The following LONP1 variants were observed in gnomAD, a reference collection of about 807,000 sequenced individuals.
LONP1 encodes lon peptidase 1, mitochondrial.
Under a neutral mutation model 98.5 loss-of-function variants are expected in LONP1, and 31 were observed. The observed-to-expected ratio is 0.31, with a 90% confidence interval of 0.24 to 0.42. The LOEUF (loss-of-function observed/expected upper bound fraction) is 0.42. Among genes scored for constraint, LONP1 ranks in the 20% least tolerant of loss-of-function variants. The pLI is 1.00. For missense variants in LONP1, 1,336 were observed against 1,350.6 expected (o/e 0.99, Z 0.17); for synonymous variants, 781 against 594.7 (o/e 1.31, Z -4.56).
In LONP1 at chr19:5,693,330, G is replaced by A. The variant is rs1032448118; in HGVS notation, c.2671C>T (p.Pro891Ser). The A allele has an allele frequency of 1.9e-5, 30 of 1,613,098 alleles. No homozygotes were observed. The highest frequency in any genetic ancestry group is 2.5e-5 in the Non-Finnish European group (30 of 1,179,584). Reference sequence around the variant, plus strand: ...GTCTTCTCCTTGATGCCACCAACAGGCAGGATCTTGCCCGTGAGGGAGACT... The same window carrying A: ...GTCTTCTCCTTGATGCCACCAACAGACAGGATCTTGCCCGTGAGGGAGACT... ...GEVSLTGKIL[P>S]VGGIKEKTIA... The change falls in exon 17 of 18, where the codon CCT becomes TCT. Residue 891 changes from proline (P) to serine (S), a missense_variant. Physicochemically the swap from Pro to Ser is moderately conservative, Grantham distance 74. This residue lies in a region of LONP1 where 555 missense variants were observed against 542.6 expected (regional missense o/e 1.02). Coordinates refer to ENST00000360614, the MANE Select transcript of LONP1 (RefSeq NM_004793.4).
intron 9 of LONP1, among the ~76,000 whole-genome samples, chr19:5,700,258 C>T (rs1312397945): frequency 6.6e-6 from 1 of 152,178 alleles, no homozygotes; most frequent in African/African-American, 2.4e-5. Flanking sequence ...GGATTACAGG[C>T]ATGCGCCACC....
In LONP1 at chr19:5,696,351, G is replaced by T; in HGVS notation, c.1794C>A (p.Gly598=). 1.9e-6 allele frequency: 3 copies of T among 1,613,090 alleles called. No individual in the cohort carries two copies. Among genetic ancestry groups the T allele is most frequent in the Non-Finnish European group, 2.5e-6 (3 of 1,179,838 alleles). The change falls in exon 12 of 18, where the codon GGC becomes GGA. Residue 598 remains glycine (G), a synonymous_variant. Coordinates refer to ENST00000360614, the MANE Select transcript of LONP1 (RefSeq NM_004793.4). ...GTGCCGACGACGGGTCCCCCTGGTA[G>T]CCTCGGCCGATCTTGTCCACCTGGG... The part of the protein sequence containing the change: ...LIDEVDKIGR[G]YQGDPSSALL...
chr19:5,715,643 TAAAAAAAAAAAA>T (rs527565499), intron 1 of LONP1, among the ~76,000 whole-genome samples: 147 of 31,096 alleles, frequency 4.7e-3, no homozygotes, highest in African/African-American at 0.016. Context: ...CTCTGTCTCA[TAAAAAAAAAAAA>T]AAAAAAAAAA....
chr19:5,692,658 A>G (rs1233198667), intron 17 of LONP1, among the ~76,000 whole-genome samples: 1 of 152,142 alleles, frequency 6.6e-6, no homozygotes, highest in African/African-American at 2.4e-5. Context: ...GCCCCACCAC[A>G]GCCCCTTGAA....
At chr19:5,699,272 G>A (rs986029899) in intron 9 of LONP1, 67 bp from the exon 10 acceptor site, 28 of 1,298,698 alleles carry the variant, frequency 2.2e-5, no homozygotes, top group Admixed American at 2.6e-5. Flanking sequence ...CATGACTCTC[G>A]CCACCTGCAC....
intron 1 of LONP1, among the ~76,000 whole-genome samples, chr19:5,715,385 T>C (rs1410685862): frequency 1.3e-5 from 2 of 150,720 alleles, no homozygotes; most frequent in Non-Finnish European, 3.0e-5. Flanking sequence ...GGCTCACGCC[T>C]GTAATCCCAG....
At chr19:5,694,738 A>G (rs779961463) in intron 14 of LONP1, 23 bp downstream of exon 14, 1 of 1,580,356 alleles carries the variant, frequency 6.3e-7, no homozygotes, top group Non-Finnish European at 8.7e-7. Context: ...GGCAGGTGCC[A>G]GGAGGGCGGG....
At chr19:5,703,065 C>T (rs189482789) in intron 8 of LONP1, among the ~76,000 whole-genome samples, 1 of 151,294 alleles carries the variant, frequency 6.6e-6, no homozygotes, top group Non-Finnish European at 1.5e-5. Context: ...CCTGTAGTTC[C>T]AGCTACTCGG....
upstream of LONP1, chr19:5,720,200 C>A: frequency 7.2e-7 from 1 of 1,384,572 alleles, no homozygotes; most frequent in Non-Finnish European, 9.3e-7. Context: ...CACGTGACGC[C>A]CGGCGCGTGC....
At position 5,693,605 on chromosome 19, in the gene LONP1, C is replaced by G; in HGVS notation, c.2485G>C (p.Ala829Pro). The G allele has an allele frequency of 6.2e-7, 1 of 1,614,020 alleles. No individual in the cohort carries two copies. ...GTCACCAGGTAGTCATTGGCGGGGG[C>G]GTGCTGCATGAGGAAGGCTCTGGCG... The part of the protein sequence containing the change: ...TFARAFLMQH[A>P]PANDYLVTSH... Residue 829 changes from alanine (A) to proline (P), a missense_variant, in exon 16 of 18, where the codon GCC becomes CCC. Coordinates refer to ENST00000360614, the MANE Select transcript of LONP1 (RefSeq NM_004793.4).
At chr19:5,699,713 A>C (rs767102066) in intron 9 of LONP1, among the ~76,000 whole-genome samples, 1 of 151,834 alleles carries the variant, frequency 6.6e-6, no homozygotes, top group Non-Finnish European at 1.5e-5. Flanking sequence ...GTGAGTCACC[A>C]TGCCTGGCTA....
Position 5,694,755 on chromosome 19 carries a change from G to A in LONP1, c.2154+6C>T, listed in dbSNP as rs766057176. ...CAGGTGCCAGGAGGGCGGGCTGGCC[G>A]CTCACCTTCTCCACTTGCTTCTGCA... On this transcript the variant is annotated splice_donor_region_variant and intron_variant, in intron 14 of 17. Coordinates refer to ENST00000360614, the MANE Select transcript of LONP1 (RefSeq NM_004793.4). 3.8e-6 allele frequency: 6 copies of A among 1,586,066 alleles called. No individual in the cohort carries two copies. Among genetic ancestry groups the A allele is most frequent in the Admixed American group, 1.7e-5 (1 of 59,502 alleles).
chr19:5,696,520 TG>T, intron 11 of LONP1, 149 bp from the exon 12 acceptor site: 2 of 1,311,142 alleles, frequency 1.5e-6, no homozygotes, highest in Non-Finnish European at 2.1e-6. Context: ...GGCGTGGCTG[TG>T]GGTGGGAGGG....
chr19:5,707,051 C>T lies in LONP1; in HGVS notation c.1146+9G>A, dbSNP rs544619502. Reference sequence around the variant, plus strand: ...CCCAAGAGTGGCTGCGCCTCAGCCGCGGGCTCACCTCCCGCCCCAGGCGCT... The same window carrying T: ...CCCAAGAGTGGCTGCGCCTCAGCCGTGGGCTCACCTCCCGCCCCAGGCGCT... On this transcript the variant is annotated intron_variant, in intron 7 of 17. Coordinates refer to ENST00000360614, the MANE Select transcript of LONP1 (RefSeq NM_004793.4). 21 of 1,608,210 alleles carry T rather than the reference C, an allele frequency of 1.3e-5. No individual in the cohort carries two copies. In the South Asian group the frequency reaches 1.5e-4, roughly 12 times the overall value.
At chr19:5,697,016 C>A (rs910144452) in intron 10 of LONP1, among the ~76,000 whole-genome samples, 6 of 152,210 alleles carry the variant, frequency 3.9e-5, no homozygotes, top group African/African-American at 7.2e-5. Flanking sequence ...CCTCAGCTGA[C>A]ACCATGGTGA....
At chr19:5,698,528 C>T (rs902325526) in intron 10 of LONP1, among the ~76,000 whole-genome samples, 10 of 152,186 alleles carry the variant, frequency 6.6e-5, no homozygotes, top group African/African-American at 2.4e-4. Context: ...CTGAGGCTGG[C>T]CGGGACGAGT....
chr19:5,717,679 G>C (rs1242628594), intron 1 of LONP1: 1 of 152,348 alleles, frequency 6.6e-6, no homozygotes, highest in Admixed American at 6.5e-5. Context: ...CTCCGGGGCA[G>C]AGTCCTGAAA....
Position 5,708,333 on chromosome 19 carries a change from G to T in LONP1, c.932+9C>A. On this transcript the variant is annotated intron_variant, in intron 5 of 17. Transcript: ENST00000360614. Reference sequence around the variant, plus strand: ...CCCCGCCTGGCCAGCTGCCCGCACAGAGGCCCACCTGTAGAGAGGGTTCAA... The same window carrying T: ...CCCCGCCTGGCCAGCTGCCCGCACATAGGCCCACCTGTAGAGAGGGTTCAA... 6.2e-7 allele frequency: 1 copy of T among 1,611,800 alleles called. No homozygotes were observed. The highest frequency in any genetic ancestry group is 8.5e-7 in the Non-Finnish European group (1 of 1,179,930).
intron 8 of LONP1, 23 bp downstream of exon 8, chr19:5,705,749 G>A: frequency 6.2e-7 from 1 of 1,610,466 alleles, no homozygotes; most frequent in East Asian, 2.2e-5. Flanking sequence ...TGAGGGCTGG[G>A]CCGCCCCGGG....
Sources: gnomAD v4.1 joint callset for allele counts (sites outside exome capture counted in the v4.1 genomes callset) on GRCh38, gnomAD v4.1.1 for gene constraint, gnomAD v4.1.1 regional missense constraint, MANE v1.5 for transcripts, NCBI Gene and HGNC (gene_info 2026-07-23, HGNC 2026-07-21) for gene names.